RAB38: variants seen among roughly 807,000 people sequenced by gnomAD.
The protein encoded by RAB38 is ras-related protein Rab-38.
Under a neutral mutation model 18.4 loss-of-function variants are expected in RAB38, and 15 were observed. The observed-to-expected ratio is 0.82, with a 90% CI of 0.55 to 1.26. The LOEUF (loss-of-function observed/expected upper bound fraction) is 1.26. Among genes scored for constraint, RAB38 ranks in the 50% most tolerant of loss-of-function variants. RAB38 has a pLI of 0.00. For synonymous variants in RAB38, 101 were observed against 104.4 expected (o/e 0.97, Z 0.20); for missense variants, 294 against 267.4 (o/e 1.10, Z -0.69).
the RAB38 span, among the ~76,000 whole-genome samples, chr11:88,005,949 T>C: frequency 1.3e-3 from 204 of 151,758 alleles, 2 homozygotes; most frequent in African/African-American, 4.7e-3. Flanking sequence ...TTCTGTTCCA[T>C]TGGTCTATGT....
At chr11:87,957,397 G>GAA in the RAB38 span, among the ~76,000 whole-genome samples, 1,766 of 150,958 alleles carry the variant, frequency 0.012, 17 homozygotes, top group African/African-American at 0.025. Context: ...CAGATTAACA[G>GAA]AAAAAAAAAC....
chr11:87,877,688 A>G, the RAB38 span, among the ~76,000 whole-genome samples: 13 of 151,572 alleles, frequency 8.6e-5, no homozygotes, highest in African/African-American at 3.1e-4. Flanking sequence ...ATCCCCAGGT[A>G]TAACACTAGC....
At chr11:87,864,492 GAAAGCCTC>G in the RAB38 span, among the ~76,000 whole-genome samples, 1 of 151,510 alleles carries the variant, frequency 6.6e-6, no homozygotes, top group African/African-American at 2.4e-5. Context: ...TATCTTGTCA[GAAAGCCTC>G]AAACATAATA....
chr11:88,034,761 T>C, the RAB38 span, among the ~76,000 whole-genome samples: 1 of 150,616 alleles, frequency 6.6e-6, no homozygotes, highest in African/African-American at 2.5e-5. Flanking sequence ...ATTGGATACC[T>C]ACGATATTTC....
the RAB38 span, among the ~76,000 whole-genome samples, chr11:87,862,358 TG>T: frequency 6.6e-6 from 1 of 151,882 alleles, no homozygotes; most frequent in Non-Finnish European, 1.5e-5. Context: ...TGTCCTTTGC[TG>T]GGGCATGGAT....
chr11:87,953,543 TTGTC>T, the RAB38 span, among the ~76,000 whole-genome samples: 7,372 of 152,214 alleles, frequency 0.048, 589 homozygotes, highest in African/African-American at 0.17. Flanking sequence ...TGGGCTCTCT[TTGTC>T]TGTCCTTTAA....
chr11:87,952,465 CTTAACTTCCTCCCTGT>C, the RAB38 span, among the ~76,000 whole-genome samples: 1 of 152,178 alleles, frequency 6.6e-6, no homozygotes, highest in Non-Finnish European at 1.5e-5. Flanking sequence ...ACATTCTCCT[CTTAACTTCCTCCCTGT>C]TTAACTTCCT....
chr11:87,948,519 A>G, the RAB38 span, among the ~76,000 whole-genome samples: 3 of 151,812 alleles, frequency 2.0e-5, no homozygotes, highest in Non-Finnish European at 2.9e-5. Context: ...TCAGTATGAT[A>G]TTGGCTGTGG....
the RAB38 span, among the ~76,000 whole-genome samples, chr11:88,027,430 C>T: frequency 6.6e-6 from 1 of 152,106 alleles, no homozygotes; most frequent in Non-Finnish European, 1.5e-5. Context: ...ATTGCCTCAC[C>T]TGGGAAGCAC....
the RAB38 span, among the ~76,000 whole-genome samples, chr11:88,072,358 A>C: frequency 1.3e-5 from 2 of 152,246 alleles, no homozygotes; most frequent in African/African-American, 4.8e-5. Flanking sequence ...ATCTGAAACA[A>C]CAAAGAGAAA....
chr11:87,907,059 C>G, the RAB38 span, among the ~76,000 whole-genome samples: 1 of 151,828 alleles, frequency 6.6e-6, no homozygotes, highest in Non-Finnish European at 1.5e-5. Flanking sequence ...TATGTGTGAA[C>G]ATGACTAGGT....
At chr11:87,858,888 C>G in the RAB38 span, among the ~76,000 whole-genome samples, 1 of 146,780 alleles carries the variant, frequency 6.8e-6, no homozygotes, top group Non-Finnish European at 1.5e-5. Flanking sequence ...ATACCATAAA[C>G]AAGAAATATG....
chr11:87,939,406 A>ACACACACG, the RAB38 span, among the ~76,000 whole-genome samples: 1 of 150,028 alleles, frequency 6.7e-6, no homozygotes, highest in African/African-American at 2.5e-5. Context: ...ACACACACAC[A>ACACACACG]CACACACTCC....
chr11:87,898,123 T>C, the RAB38 span, among the ~76,000 whole-genome samples: 1 of 151,626 alleles, frequency 6.6e-6, no homozygotes, highest in Non-Finnish European at 1.5e-5. Context: ...AAAAGTTGCC[T>C]ACTCAGCACA....
chr11:88,124,436 A>G (rs1429992761), intron 2 of RAB38, among the ~76,000 whole-genome samples: 1 of 152,138 alleles, frequency 6.6e-6, no homozygotes, highest in Non-Finnish European at 1.5e-5. Flanking sequence ...AGAAAAAAAC[A>G]AACAACCCCA....
At chr11:87,868,608 A>AGAGAGAGAGAAG in the RAB38 span, among the ~76,000 whole-genome samples, 8,521 of 102,972 alleles carry the variant, frequency 0.083, 681 homozygotes, top group Middle Eastern at 0.15. Context: ...AGAGAGAGAG[A>AGAGAGAGAGAAG]GAGAGAGAGA....
At chr11:88,077,014 AAAAGAAAAGAAAAG>A in the RAB38 span, among the ~76,000 whole-genome samples, 92 of 117,762 alleles carry the variant, frequency 7.8e-4, 1 homozygote, top group Admixed American at 2.3e-3. Flanking sequence ...AAAAGAAAAG[AAAAGAAAAGAAAAG>A]AAAGAAAGCA....
chr11:88,154,616 G>A (rs1943103044), intron 1 of RAB38, among the ~76,000 whole-genome samples: 1 of 152,086 alleles, frequency 6.6e-6, no homozygotes, highest in South Asian at 2.1e-4. Flanking sequence ...CCCCACCTGT[G>A]ACAGACATAG....
the RAB38 span, among the ~76,000 whole-genome samples, chr11:88,026,287 G>A: frequency 3.3e-5 from 5 of 152,080 alleles, no homozygotes; most frequent in East Asian, 7.7e-4. Context: ...ACAACAGCCA[G>A]GTGCGCTGGC....
Sources: gnomAD v4.1 joint callset for allele counts (sites outside exome capture counted in the v4.1 genomes callset) on GRCh38, gnomAD v4.1.1 for gene constraint, MANE v1.5 for transcripts, NCBI Gene and HGNC (gene_info 2026-07-23, HGNC 2026-07-21) for gene names.